Variants in RBFOX1 observed in about 807,000 individuals in gnomAD.
RBFOX1 encodes the protein RNA binding fox-1 homolog 1.
RBFOX1 carries 8 observed loss-of-function variants against 57.7 expected under a neutral mutation model. That is an observed-to-expected ratio of 0.14 (90% CI 0.08 to 0.25). The LOEUF is 0.25. RBFOX1 is among the 10% of genes least tolerant of loss of function. The pLI is 1.00. For synonymous variants in RBFOX1, 326 were observed against 222.4 expected, an observed-to-expected ratio of 1.47 and a Z score of -4.15; for missense variants, 611 against 548.5, an observed-to-expected ratio of 1.11 and a Z score of -1.14.
chr16:7,657,370 T>C (rs1225588805), intron 12 of RBFOX1, among the ~76,000 whole-genome samples: 7 of 152,190 alleles, frequency 4.6e-5, no homozygotes, highest in Admixed American at 4.6e-4. Flanking sequence ...AATGGCACGA[T>C]CTCGACTCAC....
chr16:6,901,147 C>G (rs1038942964), intron 3 of RBFOX1, among the ~76,000 whole-genome samples: 1 of 152,134 alleles, frequency 6.6e-6, no homozygotes, highest in African/African-American at 2.4e-5. Flanking sequence ...TAGACTGTCT[C>G]TTTCATGTCT....
intron 3 of RBFOX1, among the ~76,000 whole-genome samples, chr16:5,816,291 G>C (rs1422080913): frequency 6.6e-6 from 1 of 152,100 alleles, no homozygotes; most frequent in Non-Finnish European, 1.5e-5. Context: ...CCCTCATCTA[G>C]GAAGATTCTC....
intron 4 of RBFOX1, among the ~76,000 whole-genome samples, chr16:7,270,060 G>A (rs1026109216): frequency 1.3e-5 from 2 of 152,140 alleles, no homozygotes; most frequent in Non-Finnish European, 2.9e-5. Flanking sequence ...GTGAAATACT[G>A]TGGAAAGTAG....
At position 6,644,438 on chromosome 16, in the gene RBFOX1, C is replaced by T. The variant is rs1264863519; in HGVS notation, c.-63-10165C>T. The stretch of plus-strand genomic sequence containing the variant: ...TAAGAAGGAAGAGCAAAACCTTCTT[C>T]CTCAGCAGTAATCAATTTCTCAGTT... On this transcript the variant is annotated intron_variant, in intron 2 of 15. Coordinates refer to ENST00000550418, the MANE Select transcript of RBFOX1 (RefSeq NM_018723.4). Among the ~76,000 whole-genome samples, 6 of 152,202 alleles carry T rather than the reference C, an allele frequency of 3.9e-5. No homozygotes were observed. The South Asian group carries it at 8.3e-4, about 21-fold the overall frequency.
At chr16:5,534,490 G>A (rs1231564959) in intron 2 of RBFOX1, among the ~76,000 whole-genome samples, 1 of 152,178 alleles carries the variant, frequency 6.6e-6, no homozygotes, top group Non-Finnish European at 1.5e-5. Context: ...CAAACCACTG[G>A]TGTAAATCTA....
intron 4 of RBFOX1, among the ~76,000 whole-genome samples, chr16:7,197,329 A>G (rs1434184975): frequency 1.3e-5 from 2 of 151,926 alleles, no homozygotes; most frequent in Non-Finnish European, 2.9e-5. Flanking sequence ...TATCGATTTT[A>G]ACTCCTGATC....
intron 2 of RBFOX1, among the ~76,000 whole-genome samples, chr16:5,499,136 C>G (rs1004757188): frequency 1.3e-5 from 2 of 152,186 alleles, no homozygotes; most frequent in Non-Finnish European, 2.9e-5. Context: ...TTTTGTTCAT[C>G]TTCTGTTCTA....
chr16:6,264,192 G>C (rs74005054), intron 1 of RBFOX1, among the ~76,000 whole-genome samples: 2,752 of 152,096 alleles, frequency 0.018, 54 homozygotes, highest in African/African-American at 0.054. Context: ...TGTTCTCTTG[G>C]ATAATCCATC....
intron 1 of RBFOX1, among the ~76,000 whole-genome samples, chr16:6,052,790 TAAATA>T (rs2095567716): frequency 9.2e-6 from 1 of 108,240 alleles, no homozygotes; most frequent in Non-Finnish European, 1.8e-5. Flanking sequence ...TCTCAAAAAA[TAAATA>T]AAATAAAATA....
intron 4 of RBFOX1, among the ~76,000 whole-genome samples, chr16:5,924,144 C>A (rs2058893828): frequency 6.6e-6 from 1 of 152,120 alleles, no homozygotes; most frequent in Admixed American, 6.5e-5. Context: ...GAAGAAGGTG[C>A]CTGCTTCTCC....
chr16:6,867,250 C>T (rs918569627), intron 3 of RBFOX1, among the ~76,000 whole-genome samples: 1 of 151,640 alleles, frequency 6.6e-6, no homozygotes, highest in African/African-American at 2.4e-5. Flanking sequence ...TTTTTTCTTC[C>T]TTTTTTTTCC....
intron 3 of RBFOX1, among the ~76,000 whole-genome samples, chr16:6,927,566 A>T (rs879666891): frequency 6.6e-6 from 1 of 151,690 alleles, no homozygotes. Flanking sequence ...TCGTTTTTGC[A>T]TCATTCACTG....
intron 3 of RBFOX1, among the ~76,000 whole-genome samples, chr16:6,944,315 A>T (rs2079074694): frequency 6.6e-6 from 1 of 151,626 alleles, no homozygotes; most frequent in African/African-American, 2.4e-5. Flanking sequence ...GAATCGCTTG[A>T]ACCGAAGAGG....
At chr16:6,511,458 T>G (rs1259707143) in intron 2 of RBFOX1, among the ~76,000 whole-genome samples, 5 of 152,160 alleles carry the variant, frequency 3.3e-5, no homozygotes, top group African/African-American at 1.2e-4. Flanking sequence ...TGGACTGACA[T>G]GGGAGAATTT....
chr16:6,320,952 C>G (rs980204929), intron 2 of RBFOX1, among the ~76,000 whole-genome samples: 1 of 152,120 alleles, frequency 6.6e-6, no homozygotes, highest in Non-Finnish European at 1.5e-5. Flanking sequence ...CACCACCATG[C>G]CCAGCTAATT....
rs545334966 is a variant in RBFOX1 at position 7,519,456 on chromosome 16, A to G, written c.270+1067A>G. Among the ~76,000 whole-genome samples the G allele has an allele frequency of 4.6e-5, 7 of 152,330 alleles. No individual in the cohort carries two copies. In the East Asian group the frequency reaches 7.7e-4, roughly 17 times the overall value. ...AATTTTATTGCGTACAAATGATGAA[A>G]TGGATTAGAAACAGGCATGTAAACA... On this transcript the variant is annotated intron_variant, in intron 5 of 15. Transcript: ENST00000550418.
intron 4 of RBFOX1, among the ~76,000 whole-genome samples, chr16:7,141,437 C>G (rs1204686650): frequency 6.6e-6 from 1 of 151,550 alleles, no homozygotes; most frequent in Admixed American, 6.6e-5. Context: ...GATTGTTAAT[C>G]CAAGTTCTCA....
chr16:5,976,206 A>G (rs1045486571), intron 4 of RBFOX1, among the ~76,000 whole-genome samples: 2 of 152,178 alleles, frequency 1.3e-5, no homozygotes, highest in Non-Finnish European at 2.9e-5. Flanking sequence ...CTAGCCCGCC[A>G]CTTACCCAGT....
intron 1 of RBFOX1, among the ~76,000 whole-genome samples, chr16:5,419,205 G>T (rs1038543483): frequency 6.6e-6 from 1 of 152,138 alleles, no homozygotes; most frequent in African/African-American, 2.4e-5. Context: ...ATGTAAAGGG[G>T]AGCTTATTAA....
Sources: allele counts gnomAD v4.1 joint callset (sites outside exome capture counted in the v4.1 genomes callset), GRCh38; gene constraint gnomAD v4.1.1; transcripts MANE v1.5; gene names NCBI Gene and HGNC (gene_info 2026-07-23, HGNC 2026-07-21).